GNAO1: variants seen among roughly 807,000 people sequenced by gnomAD.
The protein encoded by GNAO1 is G protein subunit alpha o1, also known as guanine nucleotide-binding protein G(o) subunit alpha.
For synonymous variants in GNAO1, 164 were observed against 180.7 expected (o/e 0.91, Z 0.74); for missense variants, 166 against 478.7 (o/e 0.35, Z 6.10).
At chr16:56,276,116 T>A in intron 3 of GNAO1, 44 bp downstream of exon 3, 1 of 1,556,210 alleles carries the variant, frequency 6.4e-7, no homozygotes, top group Non-Finnish European at 8.8e-7. Context: ...AGGTTCTGTC[T>A]GTGTTACCCC....
chr16:56,331,580 G>A (rs889645973), intron 4 of GNAO1, among the ~76,000 whole-genome samples: 1 of 151,884 alleles, frequency 6.6e-6, no homozygotes, highest in Non-Finnish European at 1.5e-5. Context: ...CCCAGCCCCC[G>A]CCTCCTCTCG....
chr16:56,226,751 C>A (rs1435717959), intron 2 of GNAO1, among the ~76,000 whole-genome samples: 1 of 152,162 alleles, frequency 6.6e-6, no homozygotes, highest in Admixed American at 6.5e-5. Context: ...TTGGTGGTTT[C>A]TTCTCCATTC....
In GNAO1 at chr16:56,328,724, G is replaced by C. The variant is rs374115337; in HGVS notation, c.397G>C (p.Gly133Arg). The C allele has an allele frequency of 6.2e-7, 1 of 1,614,208 alleles. No homozygotes were observed. The highest frequency in any genetic ancestry group is 1.7e-5 in the Admixed American group (1 of 60,020). Residue 133 changes from glycine (G) to arginine (R), a missense_variant, in exon 4 of 9, where the codon GGC becomes CGC. Physicochemically the swap from Gly to Arg is moderately radical, Grantham distance 125. Transcript: ENST00000262493. ...GCTTTCTGCCATGATGCGGCTCTGG[G>C]GCGACTCAGGAATCCAAGAGTGCTT... ...ELLSAMMRLW[G>R]DSGIQECFNR...
At chr16:56,271,888 T>C (rs979713827) in intron 2 of GNAO1, among the ~76,000 whole-genome samples, 14 of 152,184 alleles carry the variant, frequency 9.2e-5, no homozygotes, top group African/African-American at 3.4e-4. Flanking sequence ...ACACAGCTCA[T>C]CCTGTCCAAT....
chr16:56,324,823 T>C (rs2037615230), intron 3 of GNAO1, among the ~76,000 whole-genome samples: 1 of 152,230 alleles, frequency 6.6e-6, no homozygotes, highest in Non-Finnish European at 1.5e-5. Flanking sequence ...CTCTGCACCA[T>C]TGTAGCTTCC....
chr16:56,214,656 C>T (rs1261203602), intron 2 of GNAO1, among the ~76,000 whole-genome samples: 2 of 152,190 alleles, frequency 1.3e-5, no homozygotes, highest in African/African-American at 2.4e-5. Flanking sequence ...CATGGGAGTA[C>T]CAATTTCTGT....
chr16:56,277,766 G>T (rs1386648556), intron 3 of GNAO1, among the ~76,000 whole-genome samples: 6 of 124,040 alleles, frequency 4.8e-5, no homozygotes, highest in East Asian at 2.9e-4. Context: ...AGTACAAAAG[G>T]CACACCCCCT....
At chr16:56,269,803 G>A (rs2036997520) in intron 2 of GNAO1, among the ~76,000 whole-genome samples, 1 of 152,190 alleles carries the variant, frequency 6.6e-6, no homozygotes, top group South Asian at 2.1e-4. Context: ...AAGTTGGGGG[G>A]GAAACTGTAT....
intron 3 of GNAO1, among the ~76,000 whole-genome samples, chr16:56,305,287 T>C (rs2037382610): frequency 6.6e-6 from 1 of 152,190 alleles, no homozygotes; most frequent in Admixed American, 6.5e-5. Flanking sequence ...GAGCTTACAA[T>C]TCCCCTAGGA....
At chr16:56,317,474 A>C (rs2037523661) in intron 3 of GNAO1, among the ~76,000 whole-genome samples, 2 of 152,212 alleles carry the variant, frequency 1.3e-5, no homozygotes, top group African/African-American at 2.4e-5. Context: ...AGATGGGTGA[A>C]TGGATGAGTG....
At chr16:56,308,029 G>A (rs1307719874) in intron 3 of GNAO1, 8 of 152,234 alleles carry the variant, frequency 5.3e-5, no homozygotes, top group African/African-American at 1.9e-4. Context: ...GGTGTCCTTG[G>A]AAGGTAAGAA....
chr16:56,344,645 C>T (rs1163937372), intron 6 of GNAO1: 13 of 985,134 alleles, frequency 1.3e-5, no homozygotes, highest in African/African-American at 1.7e-5. Flanking sequence ...TGGCGTGGAG[C>T]GGGGGGAGGG....
chr16:56,260,232 G>A lies in GNAO1; in HGVS notation c.162-15699G>A, dbSNP rs972746984. Reference sequence around the variant, plus strand: ...TCTCCCAGGCCCAGCTCTCGCTACTGTGGCGTGGCTAAGTGACAATGGGCA... The same window carrying A: ...TCTCCCAGGCCCAGCTCTCGCTACTATGGCGTGGCTAAGTGACAATGGGCA... On this transcript the variant is annotated intron_variant, in intron 2 of 8. Transcript: ENST00000262493. Among the ~76,000 whole-genome samples, 3 of 152,308 alleles carry A rather than the reference G, an allele frequency of 2.0e-5. No individual in the cohort carries two copies. The East Asian group carries it at 5.8e-4, about 29-fold the overall frequency.
chr16:56,295,680 C>G (rs2037281097), intron 3 of GNAO1, among the ~76,000 whole-genome samples: 1 of 152,242 alleles, frequency 6.6e-6, no homozygotes, highest in Non-Finnish European at 1.5e-5. Flanking sequence ...CTTCCTCTCG[C>G]TGCCCAGGCC....
intron 2 of GNAO1, among the ~76,000 whole-genome samples, chr16:56,260,676 A>G (rs908974668): frequency 1.3e-5 from 2 of 150,352 alleles, no homozygotes; most frequent in Admixed American, 6.6e-5. Flanking sequence ...TCGATGTGGA[A>G]GCCCACAAAG....
intron 2 of GNAO1, among the ~76,000 whole-genome samples, chr16:56,261,087 A>G (rs1294346842): frequency 6.6e-6 from 1 of 152,242 alleles, no homozygotes; most frequent in Non-Finnish European, 1.5e-5. Context: ...TGGCGTGGCA[A>G]CTGACCACTG....
At chr16:56,269,298 G>GCTCCTC (rs1175426774) in intron 2 of GNAO1, among the ~76,000 whole-genome samples, 50 of 151,608 alleles carry the variant, frequency 3.3e-4, no homozygotes, top group African/African-American at 8.9e-4. Flanking sequence ...TGTTGTTGCT[G>GCTCCTC]CTCCTCCTCC....
In GNAO1 at chr16:56,327,066, G is replaced by A. The variant is rs2037640105; in HGVS notation, c.304-1565G>A. 2.6e-5 allele frequency among the ~76,000 whole-genome samples: 4 copies of A among 152,120 alleles called. 1 individual carries two copies. The South Asian group carries it at 8.3e-4, about 32-fold the overall frequency. The stretch of plus-strand genomic sequence containing the variant: ...CCCTCAATTTCCCCACTATGAAGTG[G>A]AGATGGTAATACTACAGCAACTGCT... On this transcript the variant is annotated intron_variant, in intron 3 of 8. Coordinates refer to ENST00000262493, the MANE Select transcript of GNAO1 (RefSeq NM_020988.3).
rs187385674 is a variant in GNAO1 at position 56,227,101 on chromosome 16, G to C, written c.161+34485G>C. On this transcript the variant is annotated intron_variant, in intron 2 of 8. Transcript: ENST00000262493. ...AAGAGGAAGGTGGGGAGGGGAAACT[G>C]TTTGTTTCATTTTGTTTTATTGGCC... Among the ~76,000 whole-genome samples, 292 of 151,322 alleles carry C rather than the reference G, an allele frequency of 1.9e-3. 1 individual carries two copies. The highest frequency in any genetic ancestry group is 6.9e-3 in the African/African-American group (283 of 41,070).
Sources: allele counts gnomAD v4.1 joint callset (sites outside exome capture counted in the v4.1 genomes callset), GRCh38; gene constraint gnomAD v4.1.1; transcripts MANE v1.5; gene names NCBI Gene and HGNC (gene_info 2026-07-23, HGNC 2026-07-21).